The following ANK3 variants were observed in gnomAD, a reference collection of about 807,000 sequenced individuals.
ANK3 encodes ankyrin-3.
ANK3 carries 57 observed loss-of-function variants against 370.9 expected under a neutral mutation model. That is an observed-to-expected ratio of 0.15 (90% CI 0.12 to 0.19). The LOEUF is 0.19. Ranked by LOEUF, ANK3 falls within the 10% of genes least tolerant of loss-of-function variation. The probability of loss-of-function intolerance (pLI) is 1.00; values close to 1 mark genes in which losing one functional copy is unlikely to be tolerated. For synonymous variants in ANK3, 1,929 were observed against 1,946.3 expected, an observed-to-expected ratio of 0.99 and a Z score of 0.23; for missense variants, 4,439 against 5,302.1, an observed-to-expected ratio of 0.84 and a Z score of 5.06.
chr10:60,208,333 T>C (rs890600683), intron 9 of ANK3, 100 bp from the exon 10 acceptor site: 3 of 1,041,182 alleles, frequency 2.9e-6, no homozygotes, highest in Non-Finnish European at 4.3e-6. Context: ...CTCCAGTTCT[T>C]CACATGAAAA....
intron 9 of ANK3, among the ~76,000 whole-genome samples, chr10:60,212,167 T>C (rs1004439099): frequency 4.6e-5 from 7 of 152,116 alleles, no homozygotes; most frequent in Non-Finnish European, 8.8e-5. Flanking sequence ...AGAAAAAATA[T>C]GAGCAACTCT....
chr10:60,158,677 C>A (rs374896750), intron 23 of ANK3, among the ~76,000 whole-genome samples: 1 of 49,280 alleles, frequency 2.0e-5, no homozygotes. Flanking sequence ...AGAGAAAGCA[C>A]TTTTTTTCTT....
chr10:60,584,375 T>G (rs1221305185), intron 2 of ANK3, among the ~76,000 whole-genome samples: 2 of 152,074 alleles, frequency 1.3e-5, no homozygotes, highest in Admixed American at 6.6e-5. Flanking sequence ...TTCCAGCACT[T>G]TGGGAGGCCA....
chr10:60,159,084 C>T (rs2095430226), intron 23 of ANK3, among the ~76,000 whole-genome samples: 1 of 152,106 alleles, frequency 6.6e-6, no homozygotes, highest in Non-Finnish European at 1.5e-5. Flanking sequence ...TAAGTTCTTA[C>T]CTAGCAATGA....
At chr10:60,486,101 C>T (rs975598312) in intron 2 of ANK3, among the ~76,000 whole-genome samples, 2 of 152,288 alleles carry the variant, frequency 1.3e-5, no homozygotes, top group African/African-American at 4.8e-5. Context: ...TGGCAAGAGA[C>T]TGACCCACAC....
chr10:60,203,113 G>A lies in ANK3; in HGVS notation c.1294-13C>T. ...GGGTAAGGCCCGACTAAGGGGAAAA[G>A]AAGAAAATGGTGGTTTGTTGGCTTA... On this transcript the variant is annotated splice_polypyrimidine_tract_variant and intron_variant, in intron 11 of 43. Transcript: ENST00000280772. The A allele has an allele frequency of 6.3e-7, 1 of 1,598,748 alleles. No homozygotes were observed. The highest frequency in any genetic ancestry group is 8.6e-7 in the Non-Finnish European group (1 of 1,167,828).
chr10:60,398,109 C>A (rs1211966979), intron 2 of ANK3, among the ~76,000 whole-genome samples: 3 of 152,116 alleles, frequency 2.0e-5, no homozygotes, highest in Non-Finnish European at 4.4e-5. Context: ...GAAAAAGCAA[C>A]CAGAGACAAT....
intron 1 of ANK3, among the ~76,000 whole-genome samples, chr10:60,365,351 AT>A (rs1168620647): frequency 4.6e-5 from 7 of 152,278 alleles, no homozygotes; most frequent in African/African-American, 1.7e-4. Context: ...AATTCTATTA[AT>A]CCAAATCTGA....
chr10:60,149,699 T>C lies in ANK3; in HGVS notation c.2615-10612A>G, dbSNP rs185380270. ...CTGCTGAGGTCACCAAGGATTCCCA[T>C]ACCCCTTATTTTGTTTTGTTGTTAT... On this transcript the variant is annotated intron_variant, in intron 23 of 43. Transcript: ENST00000280772. 1.1e-3 allele frequency among the ~76,000 whole-genome samples: 175 copies of C among 152,306 alleles called. 2 individuals carry two copies. The highest frequency in any genetic ancestry group is 3.8e-3 in the African/African-American group (158 of 41,576).
Position 60,067,944 on chromosome 10 carries a change from T to C in ANK3, c.12310A>G (p.Ser4104Gly). Residue 4104 changes from serine to glycine, a missense_variant, in exon 38 of 44, where the codon AGT becomes GGT. By Grantham distance (56) the Ser-to-Gly change is moderately conservative. Transcript: ENST00000280772. ...GAGTGTATGCACTTACCTGTCCAAC[T>C]AAGTCCCAGGTGATCGGCTACTATT... ...MAIVADHLGLSWTELARELNF... is the reference protein window; with the variant it reads ...MAIVADHLGLGWTELARELNF... 1 of 1,609,162 alleles carries C rather than the reference T, an allele frequency of 6.2e-7. No individual in the cohort carries two copies. The highest frequency in any genetic ancestry group is 8.5e-7 in the Non-Finnish European group (1 of 1,176,302).
At chr10:60,622,076 T>G (rs922968832) in intron 1 of ANK3, among the ~76,000 whole-genome samples, 5 of 152,180 alleles carry the variant, frequency 3.3e-5, no homozygotes, top group Non-Finnish European at 7.4e-5. Flanking sequence ...GTTGTTAGGA[T>G]GAAATGAGGT....
intron 2 of ANK3, among the ~76,000 whole-genome samples, chr10:60,395,824 C>T (rs757954926): frequency 1.1e-4 from 16 of 151,964 alleles, no homozygotes; most frequent in African/African-American, 2.4e-4. Flanking sequence ...TTTCCATGGG[C>T]GAGAAAGACA....
At chr10:60,278,723 A>G (rs758439373) in intron 4 of ANK3, 51 bp downstream of exon 4, 4 of 1,437,568 alleles carry the variant, frequency 2.8e-6, no homozygotes, top group East Asian at 4.5e-5. Context: ...CCCAAAGAAC[A>G]TTGTTTGTAA....
chr10:60,474,200 A>T (rs2074995441), intron 2 of ANK3, among the ~76,000 whole-genome samples: 1 of 152,196 alleles, frequency 6.6e-6, no homozygotes, highest in African/African-American at 2.4e-5. Flanking sequence ...TACAGTTAGT[A>T]GCAGATAGAA....
At chr10:60,561,307 T>C (rs1239748733) in intron 2 of ANK3, among the ~76,000 whole-genome samples, 1 of 152,218 alleles carries the variant, frequency 6.6e-6, no homozygotes, top group African/African-American at 2.4e-5. Flanking sequence ...AAGCATCATA[T>C]CAAGGTTTAA....
intron 2 of ANK3, among the ~76,000 whole-genome samples, chr10:60,589,273 A>G (rs2077877225): frequency 6.6e-6 from 1 of 152,210 alleles, no homozygotes; most frequent in East Asian, 1.9e-4. Flanking sequence ...TAAAGGTTAC[A>G]TGGAGGTTAA....
chr10:60,424,288 T>C (rs1039924955), intron 2 of ANK3, among the ~76,000 whole-genome samples: 2 of 152,022 alleles, frequency 1.3e-5, no homozygotes, highest in African/African-American at 4.8e-5. Flanking sequence ...CTCATTATAC[T>C]GAGAGTCTAT....
chr10:60,085,829 T>A (rs1213084322), intron 30 of ANK3, among the ~76,000 whole-genome samples: 1 of 152,182 alleles, frequency 6.6e-6, no homozygotes, highest in Non-Finnish European at 1.5e-5. Context: ...TTGGCCAGGC[T>A]GGTCTCGAAC....
intron 1 of ANK3, among the ~76,000 whole-genome samples, chr10:60,687,421 C>T (rs781236971): frequency 1.2e-4 from 19 of 152,088 alleles, no homozygotes; most frequent in Non-Finnish European, 2.4e-4. Flanking sequence ...AGAAGACACA[C>T]AGATGGTCAA....
Sources: gnomAD v4.1 joint callset for allele counts (sites outside exome capture counted in the v4.1 genomes callset) on GRCh38, gnomAD v4.1.1 for gene constraint, MANE v1.5 for transcripts, NCBI Gene and HGNC (gene_info 2026-07-23, HGNC 2026-07-21) for gene names.